Variants in DIAPH2 observed in about 807,000 individuals in gnomAD.
The protein encoded by DIAPH2 is diaphanous related formin 2, also known as protein diaphanous homolog 2.
In DIAPH2, 35 loss-of-function variants were observed where a neutral mutation model predicts 92.7. The ratio of observed to expected loss-of-function variants is 0.38; its 90% CI spans 0.29 to 0.50. The LOEUF is 0.50. Among genes scored for constraint, DIAPH2 ranks in the 20% least tolerant of loss-of-function variants. The pLI, the probability that DIAPH2 is intolerant of heterozygous loss-of-function variation, is 0.94. For missense variants in DIAPH2, 701 were observed against 819.5 expected (o/e 0.86, Z 1.77); for synonymous variants, 301 against 280.4 (o/e 1.07, Z -0.73).
chrX:97,127,878 C>T (rs1325799860), intron 21 of DIAPH2, among the ~76,000 whole-genome samples: 3 of 110,957 alleles, frequency 2.7e-5, no homozygotes, highest in East Asian at 2.9e-4. Context: ...TGGGGTGGTG[C>T]GTGCTTGTGG....
At chrX:97,483,251 G>A (rs1007848582) in intron 26 of DIAPH2, among the ~76,000 whole-genome samples, 3 of 109,783 alleles carry the variant, frequency 2.7e-5, no homozygotes, top group African/African-American at 9.9e-5. Flanking sequence ...ATATGTGCCC[G>A]GATTATGTAA....
intron 17 of DIAPH2, among the ~76,000 whole-genome samples, chrX:96,976,817 A>G (rs1384346649): frequency 9.0e-6 from 1 of 111,383 alleles, no homozygotes; most frequent in Non-Finnish European, 1.9e-5. Flanking sequence ...CAATAATAGT[A>G]ATAATTATAA....
In DIAPH2 at chrX:97,601,222, T is replaced by C. The variant is rs911540459; in HGVS notation, c.*1905T>C. On this transcript the variant is annotated 3_prime_UTR_variant, in exon 27 of 27. Transcript: ENST00000324765. Reference sequence around the variant, plus strand: ...TAATTCTTTTGACAGCTTATCAGTCTGTAGGAGAATGATCTTGAAATGTTA... The same window carrying C: ...TAATTCTTTTGACAGCTTATCAGTCCGTAGGAGAATGATCTTGAAATGTTA... The C allele has an allele frequency of 3.6e-5, 4 of 112,023 alleles. No individual in the cohort carries two copies. The highest frequency in any genetic ancestry group is 1.3e-4 in the African/African-American group (4 of 30,744). 9.2% of individuals were successfully genotyped at this position (112,023 alleles called of 1,213,427 possible).
chrX:97,464,839 T>C (rs759208135), intron 26 of DIAPH2, among the ~76,000 whole-genome samples: 1 of 111,286 alleles, frequency 9.0e-6, no homozygotes, highest in Non-Finnish European at 1.9e-5. Context: ...ATGTATGTTT[T>C]TGTTGTTGTT....
chrX:97,112,449 G>A (rs183841075), intron 20 of DIAPH2, among the ~76,000 whole-genome samples: 1 of 111,158 alleles, frequency 9.0e-6, no homozygotes, highest in African/African-American at 3.3e-5. Context: ...AATAAAGTGG[G>A]GAGGGATTTG....
At chrX:97,575,363 C>T (rs1421451792) in intron 26 of DIAPH2, among the ~76,000 whole-genome samples, 1 of 112,554 alleles carries the variant, frequency 8.9e-6, no homozygotes, top group Non-Finnish European at 1.9e-5. Context: ...TTCATTTTCA[C>T]ATGGCATCCT....
At chrX:96,937,581 TTATAGA>T (rs1397696213) in intron 11 of DIAPH2, among the ~76,000 whole-genome samples, 2 of 111,853 alleles carry the variant, frequency 1.8e-5, no homozygotes, top group Non-Finnish European at 3.8e-5. Context: ...GCTCACAGTA[TTATAGA>T]TATACTCTAC....
At chrX:97,552,655 T>C (rs1338381092) in intron 26 of DIAPH2, among the ~76,000 whole-genome samples, 2 of 110,424 alleles carry the variant, frequency 1.8e-5, no homozygotes, top group African/African-American at 6.6e-5. Context: ...GTTTTAATGA[T>C]AGTATAACTG....
chrX:97,465,582 A>G (rs904423345), intron 26 of DIAPH2, among the ~76,000 whole-genome samples: 1 of 111,768 alleles, frequency 8.9e-6, no homozygotes. Flanking sequence ...AAGGAACTTG[A>G]GCATCTGCTA....
intron 3 of DIAPH2, among the ~76,000 whole-genome samples, chrX:96,755,234 T>C (rs930123343): frequency 3.6e-5 from 4 of 112,026 alleles, no homozygotes; most frequent in Non-Finnish European, 7.5e-5. Context: ...GAATGAATCA[T>C]CATAGGAGTT....
intron 26 of DIAPH2, among the ~76,000 whole-genome samples, chrX:97,531,345 G>C (rs2071058733): frequency 9.1e-6 from 1 of 109,296 alleles, no homozygotes; most frequent in Non-Finnish European, 1.9e-5. Context: ...TTTTCTAATA[G>C]AAGAAATAGA....
At chrX:97,185,329 A>ATATATATATATATATG (rs2067574484) in intron 22 of DIAPH2, among the ~76,000 whole-genome samples, 1 of 9,406 alleles carries the variant, frequency 1.1e-4, no homozygotes, top group African/African-American at 3.3e-4. Context: ...ATATATGTGT[A>ATATATATATATATATG]TATATATATA....
At chrX:97,005,114 G>T (rs1293506535) in intron 17 of DIAPH2, among the ~76,000 whole-genome samples, 3 of 111,777 alleles carry the variant, frequency 2.7e-5, no homozygotes, top group African/African-American at 3.3e-5. Flanking sequence ...ATTTGCACAT[G>T]TTGAACCATC....
intron 23 of DIAPH2, among the ~76,000 whole-genome samples, chrX:97,263,799 C>T (rs185850356): frequency 0.027 from 3,006 of 110,072 alleles, 109 homozygotes; most frequent in African/African-American, 0.093. Context: ...GTTGGCCAGG[C>T]TGGTCTCGAA....
chrX:97,256,356 T>G (rs762310285), intron 23 of DIAPH2, among the ~76,000 whole-genome samples: 72 of 112,163 alleles, frequency 6.4e-4, no homozygotes, highest in African/African-American at 2.3e-3. Flanking sequence ...GAATTTGTTT[T>G]CTTTGCTTTG....
chrX:97,246,077 ATTT>A (rs748702486), intron 22 of DIAPH2, among the ~76,000 whole-genome samples: 1 of 81,136 alleles, frequency 1.2e-5, no homozygotes. Flanking sequence ...TAATTTTTGT[ATTT>A]TTTTTTTTTT....
At chrX:97,493,228 TTTTATTTATTTA>T (rs753338113) in intron 26 of DIAPH2, among the ~76,000 whole-genome samples, 1 of 110,172 alleles carries the variant, frequency 9.1e-6, no homozygotes, top group African/African-American at 3.3e-5. Context: ...GTTTGGTTAT[TTTTATTTATTTA>T]TTTATTTATT....
At chrX:96,792,786 C>T (rs2064510520) in intron 4 of DIAPH2, among the ~76,000 whole-genome samples, 1 of 111,683 alleles carries the variant, frequency 9.0e-6, no homozygotes, top group Non-Finnish European at 1.9e-5. Flanking sequence ...GCTATAAAAG[C>T]ATAATTTCAA....
At chrX:97,441,272 G>A (rs2070254449) in intron 26 of DIAPH2, among the ~76,000 whole-genome samples, 1 of 110,078 alleles carries the variant, frequency 9.1e-6, no homozygotes, top group African/African-American at 3.3e-5. Flanking sequence ...AAAATTAGCC[G>A]GGCATGGTGG....
Sources: allele counts gnomAD v4.1 joint callset (sites outside exome capture counted in the v4.1 genomes callset), GRCh38; gene constraint gnomAD v4.1.1; transcripts MANE v1.5; gene names NCBI Gene and HGNC (gene_info 2026-07-23, HGNC 2026-07-21).